The following C16orf96 variants were observed in gnomAD, a reference collection of about 807,000 sequenced individuals.
C16orf96 encodes chromosome 16 open reading frame 96, also known as uncharacterized protein C16orf96.
C16orf96 carries 108 observed loss-of-function variants against 103.6 expected under a neutral mutation model. The ratio of observed to expected loss-of-function variants is 1.04; its 90% CI spans 0.89 to 1.22. The LOEUF (loss-of-function observed/expected upper bound fraction) is 1.22, where lower values mean the gene tolerates loss of function less well. Among genes scored for constraint, C16orf96 ranks in the 50% most tolerant of loss-of-function variants. The probability of loss-of-function intolerance (pLI) is 0.00; values close to 1 mark genes in which losing one functional copy is unlikely to be tolerated. For synonymous variants in C16orf96, 566 were observed against 593.5 expected (o/e 0.95, Z 0.67); for missense variants, 1,586 against 1,464.2 (o/e 1.08, Z -1.36).
chr16:4,555,932 C>T (rs2059258775), upstream of C16orf96, among the ~76,000 whole-genome samples: 1 of 152,058 alleles, frequency 6.6e-6, no homozygotes, highest in Non-Finnish European at 1.5e-5. Flanking sequence ...CTCCTGGCTT[C>T]AAGCAGTCCT....
intron 7 of C16orf96, among the ~76,000 whole-genome samples, chr16:4,586,057 C>T (rs1001981717): frequency 6.6e-6 from 1 of 151,992 alleles, no homozygotes; most frequent in African/African-American, 2.4e-5. Context: ...GTCAGGAGTT[C>T]GAGACCATCG....
rs551285492 is a variant in C16orf96 at position 4,593,058 on chromosome 16, C to A, written c.2775-166C>A. Among the ~76,000 whole-genome samples the A allele has an allele frequency of 6.6e-6, 1 of 152,120 alleles. No individual in the cohort carries two copies. The highest frequency in any genetic ancestry group is 2.4e-5 in the African/African-American group (1 of 41,404). ...GGTCCTGAGATGCCTTTCGGGGGGG[C>A]CCCTTCTACTTCTATGCTGTGGACG... On this transcript the variant is annotated intron_variant, in intron 11 of 15. Transcript: ENST00000444310. The surrounding 1 kb of genome is among the most constrained non-coding windows in gnomAD (Gnocchi z 4.2).
intron 7 of C16orf96, among the ~76,000 whole-genome samples, chr16:4,582,583 G>A (rs187764443): frequency 3.3e-5 from 5 of 152,228 alleles, no homozygotes; most frequent in East Asian, 1.9e-4. Flanking sequence ...ATGCTGGGCC[G>A]AGTGTGGGTG....
chr16:4,594,596 C>G, intron 13 of C16orf96, 86 bp downstream of exon 13: 1 of 1,535,780 alleles, frequency 6.5e-7, no homozygotes, highest in Non-Finnish European at 8.8e-7. Flanking sequence ...GAGCAGTGGG[C>G]AACCCCAGCA....
intron 9 of C16orf96, among the ~76,000 whole-genome samples, chr16:4,588,677 AG>A: frequency 6.9e-6 from 1 of 144,902 alleles, no homozygotes; most frequent in Middle Eastern, 3.3e-3. Flanking sequence ...ATGATCCAAG[AG>A]GGGAAGGAAG....
chr16:4,585,479 A>T (rs141322237), intron 7 of C16orf96, among the ~76,000 whole-genome samples: 1,551 of 152,200 alleles, frequency 0.01, 28 homozygotes, highest in African/African-American at 0.035. Flanking sequence ...TAAAAAAATT[A>T]AAATTAAAAT....
At chr16:4,569,609 G>A (rs1232643901) in intron 1 of C16orf96, among the ~76,000 whole-genome samples, 1 of 150,888 alleles carries the variant, frequency 6.6e-6, no homozygotes, top group East Asian at 2.0e-4. Context: ...GTGTGCCCCT[G>A]TAGTCTCAGC....
At chr16:4,545,424 T>C in the C16orf96 span, among the ~76,000 whole-genome samples, 1 of 152,194 alleles carries the variant, frequency 6.6e-6, no homozygotes, top group Non-Finnish European at 1.5e-5. Context: ...CTTCCTGAGC[T>C]CAAGCGATCC....
chr16:4,598,620 T>C (rs1004360662), intron 14 of C16orf96, among the ~76,000 whole-genome samples: 2 of 151,374 alleles, frequency 1.3e-5, no homozygotes, highest in Non-Finnish European at 2.9e-5. Flanking sequence ...CTTCGAATAA[T>C]GAAAAAAAAA....
chr16:4,594,638 T>C, intron 13 of C16orf96, 66 bp from the exon 14 acceptor site: 3 of 1,541,822 alleles, frequency 1.9e-6, no homozygotes, highest in African/African-American at 1.4e-5. Flanking sequence ...GGCTTCTGCG[T>C]GTACCAAAGT....
chr16:4,544,985 C>T, the C16orf96 span, among the ~76,000 whole-genome samples: 5 of 152,126 alleles, frequency 3.3e-5, no homozygotes, highest in East Asian at 5.8e-4. Flanking sequence ...AACACACAGC[C>T]GCATAAAAAC....
At position 4,576,527 on chromosome 16, in the gene C16orf96, G is replaced by A. The variant is rs574714408; in HGVS notation, c.2047G>A (p.Val683Ile). ...GAGCCCTGAAGACAAGAAGAGGGCT[G>A]TCAAGTATTCCATGAGCCACATAGC... is the stretch of plus-strand genomic sequence containing the variant. ...AMSPEDKKRA[V>I]KYSMSHIAQI... Residue 683 changes from valine to isoleucine, a missense_variant, in exon 5 of 16, where the codon GTC becomes ATC. By Grantham distance (29) the Val-to-Ile change is conservative (BLOSUM62 3). Coordinates refer to ENST00000444310, the MANE Select transcript of C16orf96 (RefSeq NM_001145011.2). 1.1e-4 allele frequency: 165 copies of A among 1,551,574 alleles called. 2 individuals are homozygous for A. In the South Asian group the frequency reaches 1.7e-3, roughly 16 times the overall value.
intron 1 of C16orf96, chr16:4,560,442 C>T (rs968179415): frequency 2.0e-5 from 3 of 152,094 alleles, no homozygotes; most frequent in Non-Finnish European, 2.9e-5. Flanking sequence ...CCTCGTGATC[C>T]ACCCGCCTTG....
chr16:4,586,655 T>A, intron 7 of C16orf96, among the ~76,000 whole-genome samples: 1 of 152,206 alleles, frequency 6.6e-6, no homozygotes, highest in South Asian at 2.1e-4. Flanking sequence ...GTGGCTGTGA[T>A]AAGTGCTCAG....
chr16:4,574,595 T>C (rs1475059333), intron 2 of C16orf96, 114 bp from the exon 3 acceptor site: 4 of 811,048 alleles, frequency 4.9e-6, no homozygotes, highest in Non-Finnish European at 7.9e-6. Flanking sequence ...TGGGAAACAC[T>C]GGATTTGGAA....
intron 5 of C16orf96, among the ~76,000 whole-genome samples, chr16:4,577,436 A>G (rs548693189): frequency 6.6e-6 from 1 of 151,964 alleles, no homozygotes; most frequent in Non-Finnish European, 1.5e-5. Flanking sequence ...AGGCCAAGGC[A>G]GGCAGATACG....
chr16:4,597,691 G>A (rs1897202455), intron 14 of C16orf96, among the ~76,000 whole-genome samples: 1 of 152,038 alleles, frequency 6.6e-6, no homozygotes, highest in Non-Finnish European at 1.5e-5. Context: ...CAAGTGACTG[G>A]AACTACAGGC....
intron 1 of C16orf96, among the ~76,000 whole-genome samples, chr16:4,571,028 C>CA (rs968744079): frequency 6.6e-6 from 1 of 151,894 alleles, no homozygotes; most frequent in Non-Finnish European, 1.5e-5. Context: ...AAAACAAAAA[C>CA]AAAAAAAATT....
intron 1 of C16orf96, among the ~76,000 whole-genome samples, chr16:4,568,934 G>T (rs949807668): frequency 3.3e-5 from 5 of 151,522 alleles, no homozygotes; most frequent in Non-Finnish European, 7.4e-5. Flanking sequence ...CCAGGATACT[G>T]TTCTTTTTAT....
Sources: allele counts gnomAD v4.1 joint callset (sites outside exome capture counted in the v4.1 genomes callset), GRCh38; gene constraint gnomAD v4.1.1; non-coding constraint Gnocchi (gnomAD v3.1); transcripts MANE v1.5; gene names NCBI Gene and HGNC (gene_info 2026-07-23, HGNC 2026-07-21).